The following BTBD7 variants were observed in gnomAD, a reference collection of about 807,000 sequenced individuals.
BTBD7 encodes the protein BTB/POZ domain-containing protein 7.
A neutral mutation model predicts 99.9 loss-of-function variants in BTBD7; 38 were observed. That is an observed-to-expected ratio of 0.38 (90% CI 0.29 to 0.50). The LOEUF (loss-of-function observed/expected upper bound fraction) is 0.50, where lower values mean the gene tolerates loss of function less well. Among genes scored for constraint, BTBD7 ranks in the 20% least tolerant of loss-of-function variants. The probability of loss-of-function intolerance (pLI) is 0.93; values close to 1 mark genes in which losing one functional copy is unlikely to be tolerated. For synonymous variants in BTBD7, 520 were observed against 511.4 expected (o/e 1.02, Z -0.23); for missense variants, 1,170 against 1,394.6 (o/e 0.84, Z 2.57).
intron 5 of BTBD7, among the ~76,000 whole-genome samples, chr14:93,259,897 G>A (rs1471217374): frequency 6.6e-6 from 1 of 152,086 alleles, no homozygotes; most frequent in Non-Finnish European, 1.5e-5. Flanking sequence ...TCGCGCCACT[G>A]TACTCCAGCC....
intron 1 of BTBD7, among the ~76,000 whole-genome samples, chr14:93,301,223 T>C (rs915699755): frequency 4.6e-5 from 7 of 151,702 alleles, no homozygotes; most frequent in Non-Finnish European, 1.0e-4. Context: ...CAGAATTTCA[T>C]TCTTGTTGCC....
chr14:93,262,782 GTT>G (rs11288675), intron 4 of BTBD7, among the ~76,000 whole-genome samples: 10 of 139,602 alleles, frequency 7.2e-5, no homozygotes, highest in African/African-American at 2.5e-4. Context: ...GCTGCTCTCT[GTT>G]TTTTTTTTTT....
rs999073866 is a variant in BTBD7, at chr14:93,245,732, T to C, written c.2583+93A>G. On this transcript the variant is annotated intron_variant, in intron 10 of 10. Transcript: ENST00000334746. ...ACTTGTCAGCAATACTTCTGGGCAC[T>C]GCTGAGTCCCAGTGGGGCTCTTGGG... The C allele has an allele frequency of 1.4e-5, 21 of 1,525,966 alleles. No individual in the cohort carries two copies. In the African/African-American group the frequency reaches 2.1e-4, roughly 15 times the overall value. The allele number at this position is 1,525,966 out of a possible 1,614,324, so 94.5% of individuals were successfully genotyped here. A position where few individuals can be genotyped will look rare whatever the true frequency, so the allele number is the denominator to read the frequency against.
chr14:93,308,547 G>A (rs1484304613), intron 1 of BTBD7, among the ~76,000 whole-genome samples: 1 of 152,134 alleles, frequency 6.6e-6, no homozygotes, highest in East Asian at 1.9e-4. Flanking sequence ...AAACAGATGT[G>A]TACACCCACG....
At position 93,294,618 on chromosome 14, in the gene BTBD7, A is replaced by C. The variant is rs765276312; in HGVS notation, c.402T>G (p.Asp134Glu). 2.5e-6 allele frequency: 4 copies of C among 1,613,956 alleles called. No homozygotes were observed. The African/African-American group carries it at 4.0e-5, about 16-fold the overall frequency. Residue 134 changes from aspartate (D) to glutamate (E), a missense_variant, in exon 3 of 11, where the codon GAT (aspartate) becomes GAG (glutamate). By Grantham distance (45) the Asp-to-Glu change is conservative. Around this residue, in one of 4 missense-constraint regions of BTBD7, gnomAD observed 359 missense variants for 497.9 expected, o/e 0.72. Transcript: ENST00000334746. ...CAGTACAATACTTGTACTCATAAAGATCAGCCATATCTTTCTGCAATGTCC... is the reference window on the plus strand; with the variant it reads ...CAGTACAATACTTGTACTCATAAAGCTCAGCCATATCTTTCTGCAATGTCC... Reference protein sequence around the residue: ...EARTLQKDMADLYEYKYCTDV... With the variant: ...EARTLQKDMAELYEYKYCTDV...
chr14:93,271,651 G>A (rs2052602181), intron 3 of BTBD7, among the ~76,000 whole-genome samples: 1 of 152,166 alleles, frequency 6.6e-6, no homozygotes, highest in Non-Finnish European at 1.5e-5. Context: ...AAGACCATAG[G>A]TTTTAAATTC....
At chr14:93,283,560 G>T (rs1289143661) in intron 3 of BTBD7, among the ~76,000 whole-genome samples, 1 of 151,776 alleles carries the variant, frequency 6.6e-6, no homozygotes, top group African/African-American at 2.4e-5. Flanking sequence ...TTTTGTTTTG[G>T]TTTGGTTTTG....
chr14:93,240,389 C>T lies in BTBD7; in HGVS notation c.*1884G>A, dbSNP rs555926240. The T allele has an allele frequency of 5.2e-5, 8 of 152,598 alleles. No individual in the cohort carries two copies. Among genetic ancestry groups the T allele is most frequent in the East Asian group, 3.9e-4 (2 of 5,192 alleles). The allele number at this position is 152,598 out of a possible 1,614,324, so 9.5% of individuals were successfully genotyped here. Reference sequence around the variant, plus strand: ...TCCACAGGGTAAAGGAGGAAAAGACCGTAAGAGAAACTATAGTTTTGGGAG... The same window carrying T: ...TCCACAGGGTAAAGGAGGAAAAGACTGTAAGAGAAACTATAGTTTTGGGAG... On this transcript the variant is annotated 3_prime_UTR_variant, in exon 11 of 11. Transcript: ENST00000334746.
At chr14:93,255,858 T>C (rs2052423588) in intron 6 of BTBD7, 1 of 152,226 alleles carries the variant, frequency 6.6e-6, no homozygotes, top group Non-Finnish European at 1.5e-5. Flanking sequence ...AGTGGTACTA[T>C]AACTACTACC....
At chr14:93,308,017 G>A (rs530809921) in intron 1 of BTBD7, among the ~76,000 whole-genome samples, 9 of 152,054 alleles carry the variant, frequency 5.9e-5, no homozygotes, top group Admixed American at 1.3e-4. Flanking sequence ...AATTGCGGCC[G>A]GGCACGGTGG....
chr14:93,295,887 C>T (rs2052920244), intron 2 of BTBD7, 83 bp downstream of exon 2: 1 of 1,290,922 alleles, frequency 7.7e-7, no homozygotes, highest in South Asian at 1.3e-5. Flanking sequence ...CAGCTCACTT[C>T]TTTTGTCATC....
chr14:93,274,419 G>A (rs1362788377), intron 3 of BTBD7, among the ~76,000 whole-genome samples: 1 of 152,196 alleles, frequency 6.6e-6, no homozygotes, highest in Admixed American at 6.5e-5. Context: ...AAATCTGCTA[G>A]GCACCTGTCC....
chr14:93,254,188 C>T (rs1199559504), intron 6 of BTBD7, among the ~76,000 whole-genome samples: 5 of 152,078 alleles, frequency 3.3e-5, no homozygotes, highest in South Asian at 2.1e-4. Context: ...CTGCCCACCT[C>T]GGCCTCCCAA....
Position 93,261,629 on chromosome 14 carries a change from G to T in BTBD7, c.1420C>A (p.Gln474Lys). 6.2e-7 allele frequency: 1 copy of T among 1,611,968 alleles called. No individual in the cohort carries two copies. The highest frequency in any genetic ancestry group is 8.5e-7 in the Non-Finnish European group (1 of 1,179,070). ...CTATCTGCTATTCTTTTCATCAACT[G>T]ATGCTCTCCCCATTTAATCAGATAT... ...LKYLIKWGEH[Q>K]LMKRIADREP... Residue 474 changes from glutamine (Q) to lysine (K), a missense_variant, in exon 5 of 11, where the codon CAG becomes AAG. Gln to Lys is a moderately conservative substitution (Grantham distance 53, BLOSUM62 1). Around this residue, in one of 4 missense-constraint regions of BTBD7, gnomAD observed 309 missense variants for 342.0 expected, o/e 0.90. Transcript: ENST00000334746.
rs557618545 is a variant in BTBD7, at chr14:93,275,951, C to T, written c.1163-11958G>A. 5.9e-5 allele frequency among the ~76,000 whole-genome samples: 9 copies of T among 152,250 alleles called. No homozygotes were observed. In the South Asian group the frequency reaches 1.2e-3, roughly 21 times the overall value. ...AGTCTTGGCCATGCATGGTGGCTCA[C>T]GCCTGTAGTCCCAGCACTTTGGGAG... On this transcript the variant is annotated intron_variant, in intron 3 of 10. Coordinates refer to ENST00000334746, the MANE Select transcript of BTBD7 (RefSeq NM_001002860.4).
At chr14:93,300,308 A>C (rs190443179) in intron 1 of BTBD7, among the ~76,000 whole-genome samples, 1 of 137,616 alleles carries the variant, frequency 7.3e-6, no homozygotes, top group Admixed American at 8.2e-5. Flanking sequence ...CCCAGCCTGG[A>C]GTGCAGTGGC....
chr14:93,315,099 C>CCCAGA (rs2053183886), intron 1 of BTBD7, among the ~76,000 whole-genome samples: 1 of 152,120 alleles, frequency 6.6e-6, no homozygotes, highest in Non-Finnish European at 1.5e-5. Context: ...TTACTGCAAA[C>CCCAGA]ATTTTTACAT....
At chr14:93,261,068 T>C (rs1454851240) in intron 5 of BTBD7, among the ~76,000 whole-genome samples, 1 of 152,130 alleles carries the variant, frequency 6.6e-6, no homozygotes, top group Non-Finnish European at 1.5e-5. Flanking sequence ...TTTTTGTATT[T>C]TTAGTAGAGG....
intron 1 of BTBD7, among the ~76,000 whole-genome samples, chr14:93,321,945 GAACT>G (rs1305113092): frequency 1.3e-5 from 2 of 152,056 alleles, no homozygotes; most frequent in Non-Finnish European, 2.9e-5. Context: ...ACAGCAGTGG[GAACT>G]AACTATGAGA....
Sources: allele counts gnomAD v4.1 joint callset (sites outside exome capture counted in the v4.1 genomes callset), GRCh38; gene constraint gnomAD v4.1.1; regional missense constraint gnomAD v4.1.1; transcripts MANE v1.5; gene names NCBI Gene and HGNC (gene_info 2026-07-23, HGNC 2026-07-21).